Variants in IQCM observed in about 807,000 individuals in gnomAD.
The protein encoded by IQCM is IQ domain-containing protein M.
In IQCM, 45 loss-of-function variants were observed where a neutral mutation model predicts 57.6. The ratio of observed to expected loss-of-function variants is 0.78; its 90% CI spans 0.62 to 1.00. IQCM has a LOEUF of 1.00. IQCM is among the 50% of genes least tolerant of loss of function. The pLI, the probability that IQCM is intolerant of heterozygous loss-of-function variation, is 0.00. For missense variants in IQCM, 468 were observed against 511.6 expected (o/e 0.91, Z 0.82); for synonymous variants, 148 against 158.9 (o/e 0.93, Z 0.51).
chr4:149,626,050 G>A (rs1756765900), intron 7 of IQCM, among the ~76,000 whole-genome samples: 1 of 152,074 alleles, frequency 6.6e-6, no homozygotes, highest in Non-Finnish European at 1.5e-5. Flanking sequence ...AGGATACAAA[G>A]TATTGATGCT....
intron 7 of IQCM, among the ~76,000 whole-genome samples, chr4:149,628,798 T>G (rs1303834771): frequency 6.6e-6 from 1 of 152,160 alleles, no homozygotes; most frequent in Non-Finnish European, 1.5e-5. Flanking sequence ...AAATTTAATA[T>G]GTATTCAAGA....
At chr4:149,504,132 T>C (rs1412831393) in intron 12 of IQCM, among the ~76,000 whole-genome samples, 1 of 152,152 alleles carries the variant, frequency 6.6e-6, no homozygotes, top group East Asian at 1.9e-4. Context: ...AAAAGCATGA[T>C]ACTACCCCAA....
intron 12 of IQCM, among the ~76,000 whole-genome samples, chr4:149,538,173 A>G (rs1325397707): frequency 6.6e-6 from 1 of 151,736 alleles, no homozygotes; most frequent in African/African-American, 2.4e-5. Flanking sequence ...TACATAAAAC[A>G]TAATTATAAA....
At chr4:149,730,026 T>C (rs1766316818) in intron 5 of IQCM, among the ~76,000 whole-genome samples, 1 of 152,182 alleles carries the variant, frequency 6.6e-6, no homozygotes, top group Non-Finnish European at 1.5e-5. Context: ...TCCCAACTTC[T>C]TTACCTGAAG....
At chr4:149,513,430 AG>A (rs1744623781) in intron 12 of IQCM, among the ~76,000 whole-genome samples, 1 of 151,600 alleles carries the variant, frequency 6.6e-6, no homozygotes, top group Non-Finnish European at 1.5e-5. Context: ...ATGAAAAAAA[AG>A]AAAAGAAGGA....
At chr4:149,758,825 G>C (rs1373918411) in intron 2 of IQCM, among the ~76,000 whole-genome samples, 1 of 149,572 alleles carries the variant, frequency 6.7e-6, no homozygotes, top group Non-Finnish European at 1.5e-5. Context: ...AAGAGGCAGA[G>C]CAACAGGAAC....
intron 13 of IQCM, among the ~76,000 whole-genome samples, chr4:149,374,942 G>A (rs908516717): frequency 8.6e-5 from 13 of 151,476 alleles, no homozygotes; most frequent in Middle Eastern, 3.4e-3. Flanking sequence ...ATTATGCCAA[G>A]TTCCTTGCCT....
At chr4:149,379,434 C>A (rs938689069) in intron 13 of IQCM, among the ~76,000 whole-genome samples, 16 of 152,178 alleles carry the variant, frequency 1.1e-4, no homozygotes, top group African/African-American at 3.9e-4. Context: ...CTGCCCAAGA[C>A]CATGGGAATC....
intron 8 of IQCM, among the ~76,000 whole-genome samples, chr4:149,616,851 A>G (rs1755836768): frequency 6.6e-6 from 1 of 152,014 alleles, no homozygotes. Flanking sequence ...ACATATACCT[A>G]TGTAACAAAC....
At chr4:149,731,219 T>TGA (rs1466439077) in intron 5 of IQCM, among the ~76,000 whole-genome samples, 1 of 152,212 alleles carries the variant, frequency 6.6e-6, no homozygotes, top group Non-Finnish European at 1.5e-5. Context: ...GATTAAGTTA[T>TGA]GAGGGCTTCA....
chr4:149,422,840 T>C (rs557155378), intron 13 of IQCM, among the ~76,000 whole-genome samples: 9 of 152,128 alleles, frequency 5.9e-5, no homozygotes, highest in Admixed American at 5.9e-4. Context: ...AAATATTCTA[T>C]AGTTATAAAT....
chr4:149,361,846 C>T (rs1308367213), intron 13 of IQCM, among the ~76,000 whole-genome samples: 3 of 152,230 alleles, frequency 2.0e-5, no homozygotes, highest in Non-Finnish European at 2.9e-5. Context: ...GAGAAGAGGG[C>T]CACCTTACTC....
intron 13 of IQCM, among the ~76,000 whole-genome samples, chr4:149,361,610 G>T (rs567693306): frequency 1.4e-4 from 22 of 152,328 alleles, no homozygotes; most frequent in African/African-American, 5.3e-4. Flanking sequence ...CCAAGCTGTG[G>T]CAACTTCCAC....
At chr4:149,394,091 TTACTTCAATTTATTTAAACA>T (rs1732054318) in intron 13 of IQCM, among the ~76,000 whole-genome samples, 1 of 152,056 alleles carries the variant, frequency 6.6e-6, no homozygotes, top group African/African-American at 2.4e-5. Context: ...AATGCCATAC[TTACTTCAATTTATTTAAACA>T]TAATGTCTTT....
intron 12 of IQCM, among the ~76,000 whole-genome samples, chr4:149,547,423 T>A (rs1446510345): frequency 6.6e-6 from 1 of 152,052 alleles, no homozygotes; most frequent in Non-Finnish European, 1.5e-5. Flanking sequence ...GTCTCACTTA[T>A]ATGGGAAATC....
intron 5 of IQCM, among the ~76,000 whole-genome samples, chr4:149,713,245 C>A (rs1346364071): frequency 4.6e-5 from 7 of 152,108 alleles, no homozygotes; most frequent in African/African-American, 1.7e-4. Flanking sequence ...ATCGATACTA[C>A]CACCTTTTTA....
At chr4:149,589,657 G>A (rs1363078733) in intron 8 of IQCM, among the ~76,000 whole-genome samples, 1 of 151,954 alleles carries the variant, frequency 6.6e-6, no homozygotes, top group South Asian at 2.1e-4. Context: ...CTTTCTTCGG[G>A]AACACAACAA....
intron 7 of IQCM, among the ~76,000 whole-genome samples, chr4:149,627,487 C>T (rs1269500051): frequency 6.6e-6 from 1 of 152,174 alleles, no homozygotes; most frequent in Non-Finnish European, 1.5e-5. Flanking sequence ...TTATTGAAGG[C>T]TCAAATTACT....
intron 7 of IQCM, among the ~76,000 whole-genome samples, chr4:149,652,005 T>A (rs148916183): frequency 0.018 from 2,785 of 152,276 alleles, 44 homozygotes; most frequent in Admixed American, 0.049. Context: ...TGCACACATA[T>A]GTTTATTGCA....
Sources: allele counts gnomAD v4.1 joint callset (sites outside exome capture counted in the v4.1 genomes callset), GRCh38; gene constraint gnomAD v4.1.1; transcripts MANE v1.5; gene names NCBI Gene and HGNC (gene_info 2026-07-23, HGNC 2026-07-21).